RTN3: variants seen among roughly 807,000 people sequenced by gnomAD.
RTN3 encodes the protein reticulon-3.
A neutral mutation model predicts 77.8 loss-of-function variants in RTN3; 49 were observed. The observed-to-expected ratio is 0.63, with a 90% CI of 0.50 to 0.80. The LOEUF (loss-of-function observed/expected upper bound fraction) is 0.80. RTN3 is among the 30% of genes least tolerant of loss of function. RTN3 has a pLI of 0.00. For synonymous variants in RTN3, 464 were observed against 446.9 expected (o/e 1.04, Z -0.48); for missense variants, 1,236 against 1,211.9 (o/e 1.02, Z -0.29).
chr11:63,682,661 G>C (rs929305766), intron 1 of RTN3, among the ~76,000 whole-genome samples: 4 of 151,740 alleles, frequency 2.6e-5, no homozygotes, highest in African/African-American at 9.7e-5. Context: ...GGGGGAGGGG[G>C]AGAACATTCA....
In RTN3 at chr11:63,719,129, A is replaced by G; in HGVS notation, c.627A>G (p.Thr209=). ...CTGATGACAGATTCACTTTGCTGAC[A>G]GCCCAGAAACCACCTACTGAGTACT... The part of the protein sequence containing the change: ...LDADDRFTLL[T]AQKPPTEYSK... The change falls in exon 3 of 9, where the codon ACA becomes ACG. Residue 209 remains threonine, a synonymous_variant. Coordinates refer to ENST00000377819, the MANE Select transcript of RTN3 (RefSeq NM_001265589.2). 6.2e-7 allele frequency: 1 copy of G among 1,614,204 alleles called. No individual in the cohort carries two copies. The highest frequency in any genetic ancestry group is 8.5e-7 in the Non-Finnish European group (1 of 1,180,038).
At chr11:63,691,173 T>G (rs1941637903) in intron 1 of RTN3, among the ~76,000 whole-genome samples, 1 of 142,478 alleles carries the variant, frequency 7.0e-6, no homozygotes, top group Non-Finnish European at 1.5e-5. Context: ...CAGGGTGGAG[T>G]GCAGTGGCAC....
intron 2 of RTN3, among the ~76,000 whole-genome samples, chr11:63,716,668 G>A (rs2011414157): frequency 6.6e-6 from 1 of 152,052 alleles, no homozygotes; most frequent in African/African-American, 2.4e-5. Context: ...CAGGTCTGTA[G>A]AAAGTTTAAA....
At chr11:63,736,690 A>T (rs1222426109) in intron 3 of RTN3, among the ~76,000 whole-genome samples, 2 of 152,200 alleles carry the variant, frequency 1.3e-5, no homozygotes, top group Admixed American at 1.3e-4. Context: ...TCTCAAAAAA[A>T]TTTTAAAAAA....
chr11:63,704,749 T>A, intron 1 of RTN3, 102 bp from the exon 2 acceptor site: 1 of 827,112 alleles, frequency 1.2e-6, no homozygotes, highest in African/African-American at 1.7e-5. Flanking sequence ...TTAAACCCAA[T>A]GAAATTATGA....
At chr11:63,752,982 C>A in intron 5 of RTN3, 87 bp from the exon 6 acceptor site, 1 of 1,260,574 alleles carries the variant, frequency 7.9e-7, no homozygotes, top group Non-Finnish European at 1.1e-6. Flanking sequence ...TTTATGCAGA[C>A]TTAATTAGCT....
chr11:63,732,778 G>A (rs545163224), intron 3 of RTN3, among the ~76,000 whole-genome samples: 1 of 152,138 alleles, frequency 6.6e-6, no homozygotes, highest in African/African-American at 2.4e-5. Flanking sequence ...AAAAGGAGAG[G>A]AGAATACTTC....
intron 1 of RTN3, 89 bp from the exon 2 acceptor site, chr11:63,704,762 C>T (rs774797405): frequency 2.2e-6 from 2 of 913,282 alleles, no homozygotes; most frequent in Non-Finnish European, 3.6e-6. Context: ...AATTATGATG[C>T]TTGGCTCTTC....
rs192453296 is a variant in RTN3, at chr11:63,681,880, G to A, written c.142+102G>A. 1.0e-3 allele frequency: 1,250 copies of A among 1,234,634 alleles called. 2 individuals are homozygous for A. The highest frequency in any genetic ancestry group is 4.7e-3 in the Middle Eastern group (17 of 3,610). The allele number at this position is 1,234,634 out of a possible 1,614,324, so 76.5% of individuals were successfully genotyped here. A position where few individuals can be genotyped will look rare whatever the true frequency, so the allele number is the denominator to read the frequency against. ...GGCGGGAGGAGGACGAATTACCCTC[G>A]ACTACTGACGGCTTCAGCCCCCCGG... On this transcript the variant is annotated intron_variant, in intron 1 of 8. Transcript: ENST00000377819.
chr11:63,749,261 A>G (rs1247387471), intron 3 of RTN3, among the ~76,000 whole-genome samples: 3 of 152,200 alleles, frequency 2.0e-5, no homozygotes, highest in Non-Finnish European at 4.4e-5. Context: ...CCCAGGTGAC[A>G]GAGTGAGACG....
At chr11:63,718,010 C>T (rs571985134) in intron 2 of RTN3, among the ~76,000 whole-genome samples, 19 of 142,284 alleles carry the variant, frequency 1.3e-4, no homozygotes, top group African/African-American at 3.4e-4. Context: ...AAAAAGACTC[C>T]GTATCAAAAA....
chr11:63,731,010 T>A (rs1479173115), intron 3 of RTN3, among the ~76,000 whole-genome samples: 1 of 152,108 alleles, frequency 6.6e-6, no homozygotes, highest in Non-Finnish European at 1.5e-5. Flanking sequence ...GTGTATAAGG[T>A]ATGCATTCAT....
rs1288349816 is a variant in RTN3, at chr11:63,719,917, T to C, written c.1415T>C (p.Leu472Ser). Reference sequence around the variant, plus strand: ...GGAGTGGCCACAGTGAAAGTGGTTTTACCTGATGACCACCTGAAAGATGAA... The same window carrying C: ...GGAGTGGCCACAGTGAAAGTGGTTTCACCTGATGACCACCTGAAAGATGAA... ...GSGVATVKVV[L>S]PDDHLKDEMD... The change falls in exon 3 of 9, where the codon TTA becomes TCA. Residue 472 changes from leucine to serine, a missense_variant. Coordinates refer to ENST00000377819, the MANE Select transcript of RTN3 (RefSeq NM_001265589.2). 1 of 1,614,160 alleles carries C rather than the reference T, an allele frequency of 6.2e-7. No individual in the cohort carries two copies. The highest frequency in any genetic ancestry group is 1.7e-5 in the Admixed American group (1 of 60,010).
Position 63,704,913 on chromosome 11 carries a change from T to A in RTN3, c.199+6T>A. The A allele has an allele frequency of 6.2e-7, 1 of 1,607,048 alleles. No homozygotes were observed. Among genetic ancestry groups the A allele is most frequent in the Non-Finnish European group, 8.5e-7 (1 of 1,173,986 alleles). On this transcript the variant is annotated splice_donor_region_variant and intron_variant, in intron 2 of 8. Transcript: ENST00000377819. ...TCTATTTTCGACCTCACAAGGCAAG[T>A]CTGTAATTTTTTTGTGTGCATTGGT...
At chr11:63,722,510 C>T (rs1358931206) in intron 3 of RTN3, among the ~76,000 whole-genome samples, 3 of 152,090 alleles carry the variant, frequency 2.0e-5, no homozygotes, top group Admixed American at 6.5e-5. Flanking sequence ...AGATTTAGCA[C>T]CAAATACAGG....
At chr11:63,704,778 C>A in intron 1 of RTN3, 73 bp from the exon 2 acceptor site, 1 of 1,063,032 alleles carries the variant, frequency 9.4e-7, no homozygotes, top group Non-Finnish European at 1.5e-6. Context: ...TCTTCCTCCC[C>A]ATCAAAAAGA....
At chr11:63,724,222 G>A (rs1390792262) in intron 3 of RTN3, among the ~76,000 whole-genome samples, 1 of 118,064 alleles carries the variant, frequency 8.5e-6, no homozygotes, top group African/African-American at 3.3e-5. Flanking sequence ...TCGCTCTGTC[G>A]CCCAGGCTGG....
chr11:63,704,090 C>T (rs1173787300), intron 1 of RTN3, among the ~76,000 whole-genome samples: 5 of 151,808 alleles, frequency 3.3e-5, no homozygotes, highest in African/African-American at 1.2e-4. Context: ...GCAAACTCTG[C>T]CTCCTGGGTT....
chr11:63,755,707 C>T (rs999781279), intron 7 of RTN3, among the ~76,000 whole-genome samples: 7 of 147,678 alleles, frequency 4.7e-5, no homozygotes, highest in African/African-American at 1.0e-4. Context: ...TGCCTGTAAT[C>T]CCAGCACTTT....
Sources: allele counts gnomAD v4.1 joint callset (sites outside exome capture counted in the v4.1 genomes callset), GRCh38; gene constraint gnomAD v4.1.1; transcripts MANE v1.5; gene names NCBI Gene and HGNC (gene_info 2026-07-23, HGNC 2026-07-21).